The following CFAP77 variants were observed in gnomAD, a reference collection of about 807,000 sequenced individuals.
CFAP77 encodes the protein cilia- and flagella-associated protein 77.
In CFAP77, 25 loss-of-function variants were observed where a neutral mutation model predicts 31.1. The observed-to-expected ratio is 0.80, with a 90% CI of 0.59 to 1.12. The LOEUF (loss-of-function observed/expected upper bound fraction) is 1.12, where lower values mean the gene tolerates loss of function less well. Among genes scored for constraint, CFAP77 ranks in the 50% most tolerant of loss-of-function variants. The pLI is 0.00. For missense variants in CFAP77, 377 were observed against 397.3 expected (o/e 0.95, Z 0.44); for synonymous variants, 151 against 159.9 (o/e 0.94, Z 0.42).
chr9:132,462,036 C>T (rs1343463142), intron 1 of CFAP77, among the ~76,000 whole-genome samples: 5 of 152,154 alleles, frequency 3.3e-5, no homozygotes, highest in South Asian at 2.1e-4. Flanking sequence ...TGAACATCTC[C>T]GCTCCTTCAT....
intron 5 of CFAP77, among the ~76,000 whole-genome samples, chr9:132,555,800 A>G (rs146636070): frequency 5.9e-4 from 90 of 152,286 alleles, no homozygotes; most frequent in African/African-American, 2.0e-3. Context: ...AGAAGCAGAA[A>G]GCAGCAAATG....
intron 3 of CFAP77, among the ~76,000 whole-genome samples, chr9:132,530,500 C>A (rs1193810489): frequency 1.3e-5 from 2 of 152,162 alleles, no homozygotes; most frequent in African/African-American, 2.4e-5. Context: ...GTCTCGAACT[C>A]CTGACCTCAG....
intron 1 of CFAP77, among the ~76,000 whole-genome samples, chr9:132,437,471 G>A (rs546364889): frequency 6.6e-6 from 1 of 150,700 alleles, no homozygotes; most frequent in South Asian, 2.1e-4. Context: ...AGGGCAGTGG[G>A]AAAACATCAA....
At chr9:132,518,007 C>T (rs1320044704) in intron 3 of CFAP77, among the ~76,000 whole-genome samples, 6 of 152,166 alleles carry the variant, frequency 3.9e-5, no homozygotes, top group East Asian at 3.9e-4. Flanking sequence ...TGCTAGTGGG[C>T]GCGTCCGGTG....
At chr9:132,519,562 G>GGGTGGGTA in intron 3 of CFAP77, among the ~76,000 whole-genome samples, 2 of 138,362 alleles carry the variant, frequency 1.4e-5, no homozygotes, top group East Asian at 2.4e-4. Flanking sequence ...ATGAATGGAT[G>GGGTGGGTA]GATGGATGGA....
rs1317214190 is a variant in CFAP77 at position 132,545,964 on chromosome 9, A to G, written c.732+2917A>G. On this transcript the variant is annotated intron_variant, in intron 5 of 5. Coordinates refer to ENST00000393216, the MANE Select transcript of CFAP77 (RefSeq NM_001282957.2). This position sits in a 1 kb window ranked among gnomAD's most constrained non-coding sequence, Gnocchi z 4.6. ...TTCACGGCACTTAACTCTGCAATTA[A>G]TTAACTGGGCAATTTTTTTCATCTT... Among the ~76,000 whole-genome samples the G allele has an allele frequency of 6.6e-6, 1 of 152,122 alleles. No individual in the cohort carries two copies. The highest frequency in any genetic ancestry group is 1.5e-5 in the Non-Finnish European group (1 of 68,028).
At chr9:132,450,163 C>T (rs1345598060) in intron 1 of CFAP77, among the ~76,000 whole-genome samples, 1 of 151,832 alleles carries the variant, frequency 6.6e-6, no homozygotes, top group African/African-American at 2.4e-5. Flanking sequence ...ATCTCCTGAC[C>T]TTGTGATCTG....
intron 1 of CFAP77, among the ~76,000 whole-genome samples, chr9:132,423,734 A>G (rs1850265827): frequency 6.6e-6 from 1 of 152,234 alleles, no homozygotes; most frequent in South Asian, 2.1e-4. Context: ...CAACTCTGCA[A>G]GCTCCGTGTC....
At chr9:132,562,553 C>T (rs555307753) in intron 5 of CFAP77, among the ~76,000 whole-genome samples, 1 of 152,174 alleles carries the variant, frequency 6.6e-6, no homozygotes, top group Non-Finnish European at 1.5e-5. Context: ...TTTTGAGATT[C>T]ATGCACATTG....
intron 1 of CFAP77, among the ~76,000 whole-genome samples, chr9:132,420,666 C>CA (rs11414328): frequency 0.18 from 23,299 of 127,774 alleles, 2,805 homozygotes; most frequent in East Asian, 0.38. Context: ...GACTCTGTCT[C>CA]AAAAAAAAAA....
At chr9:132,519,539 G>A (rs1171261704) in intron 3 of CFAP77, among the ~76,000 whole-genome samples, 3 of 96,630 alleles carry the variant, frequency 3.1e-5, no homozygotes, top group African/African-American at 1.1e-4. Context: ...TGGATGGATG[G>A]GTGGGTAGAT....
Position 132,450,222 on chromosome 9 carries a change from G to A in CFAP77, c.195+39756G>A, listed in dbSNP as rs569021232. 5.9e-5 allele frequency among the ~76,000 whole-genome samples: 9 copies of A among 151,488 alleles called. No homozygotes were observed. In the East Asian group the frequency reaches 1.4e-3, roughly 23 times the overall value. Reference sequence around the variant, plus strand: ...TGGGATTACAGGTGTGAGCCACCACGCCCGGCCGATTAAGAGTTCTGTAGG... The same window carrying A: ...TGGGATTACAGGTGTGAGCCACCACACCCGGCCGATTAAGAGTTCTGTAGG... On this transcript the variant is annotated intron_variant, in intron 1 of 5. Transcript: ENST00000393216.
intron 3 of CFAP77, among the ~76,000 whole-genome samples, chr9:132,529,507 T>TAAAAAAAAAAAAAA (rs750691279): frequency 3.7e-5 from 4 of 108,832 alleles, no homozygotes; most frequent in African/African-American, 1.0e-4. Context: ...TAGAGTATAA[T>TAAAAAAAAAAAAAA]AAAAAAAAAA....
rs763855848 is a variant in CFAP77, at chr9:132,490,286, C to T, written c.196-8409C>T. Among the ~76,000 whole-genome samples, 5 of 152,250 alleles carry T rather than the reference C, an allele frequency of 3.3e-5. No individual in the cohort carries two copies. Among genetic ancestry groups the T allele is most frequent in the African/African-American group, 1.2e-4 (5 of 41,540 alleles). On this transcript the variant is annotated intron_variant, in intron 1 of 5. Transcript: ENST00000393216. This position sits in a 1 kb window ranked among gnomAD's most constrained non-coding sequence, Gnocchi z 4.6. ...TTAAGTTTCAGCATGACTTTGGAGGCGATAAAAACATTCAGACCATAGCAC... is the reference window on the plus strand; with the variant it reads ...TTAAGTTTCAGCATGACTTTGGAGGTGATAAAAACATTCAGACCATAGCAC...
chr9:132,510,683 C>T (rs1415749757), intron 3 of CFAP77, among the ~76,000 whole-genome samples: 2 of 152,132 alleles, frequency 1.3e-5, no homozygotes, highest in African/African-American at 4.8e-5. Context: ...GCCAGATCAT[C>T]TCATCGTGTG....
chr9:132,434,065 G>A (rs1351401614), intron 1 of CFAP77, among the ~76,000 whole-genome samples: 7 of 151,892 alleles, frequency 4.6e-5, no homozygotes, highest in Non-Finnish European at 1.0e-4. Context: ...CTTGAGCCAA[G>A]GAGGCTGAGA....
chr9:132,530,031 T>C (rs1190208852), intron 3 of CFAP77, among the ~76,000 whole-genome samples: 2 of 151,988 alleles, frequency 1.3e-5, no homozygotes, highest in Non-Finnish European at 2.9e-5. Context: ...ATTTCTCTAA[T>C]GGCTACAGAT....
chr9:132,452,346 C>T (rs761579939), intron 1 of CFAP77, among the ~76,000 whole-genome samples: 3 of 152,182 alleles, frequency 2.0e-5, no homozygotes, highest in Non-Finnish European at 4.4e-5. Flanking sequence ...AGCCAGGTGG[C>T]GTTGGTTTGG....
chr9:132,507,000 G>A (rs1851941056), intron 3 of CFAP77, among the ~76,000 whole-genome samples: 1 of 152,230 alleles, frequency 6.6e-6, no homozygotes, highest in Non-Finnish European at 1.5e-5. Context: ...GAAGGGGGAT[G>A]AGACAGGATT....
Sources: gnomAD v4.1 joint callset for allele counts (sites outside exome capture counted in the v4.1 genomes callset) on GRCh38, gnomAD v4.1.1 for gene constraint, Gnocchi (gnomAD v3.1) non-coding constraint, MANE v1.5 for transcripts, NCBI Gene and HGNC (gene_info 2026-07-23, HGNC 2026-07-21) for gene names.